Variants in GSE1 observed in about 807,000 individuals in gnomAD.
GSE1 encodes genetic suppressor element 1.
GSE1 carries 32 observed loss-of-function variants against 112.6 expected under a neutral mutation model. That is an observed-to-expected ratio of 0.28 (90% confidence interval 0.21 to 0.38). The LOEUF (loss-of-function observed/expected upper bound fraction) is 0.38, where lower values mean the gene tolerates loss of function less well. Ranked by LOEUF, GSE1 falls within the 10% of genes least tolerant of loss-of-function variation. The probability of loss-of-function intolerance (pLI) is 1.00; values close to 1 mark genes in which losing one functional copy is unlikely to be tolerated. For missense variants in GSE1, 2,348 were observed against 1,699.2 expected (o/e 1.38, Z -6.71); for synonymous variants, 1,115 against 735.6 (o/e 1.52, Z -8.35).
chr16:85,419,031 G>A lies in GSE1; in HGVS notation c.2464+61388G>A, dbSNP rs929878262. ...TGAGAGCTGCCGTGAGACACTGTGCGGAGATCCAACTGGCAGTTGGATATT... is the reference window on the plus strand; with the variant it reads ...TGAGAGCTGCCGTGAGACACTGTGCAGAGATCCAACTGGCAGTTGGATATT... On this transcript the variant is annotated intron_variant, in intron 2 of 2. Transcript: ENST00000637419. This position sits in a 1 kb window ranked among gnomAD's most constrained non-coding sequence, Gnocchi z 6.5. Among the ~76,000 whole-genome samples the A allele has an allele frequency of 2.6e-5, 4 of 152,168 alleles. No individual in the cohort carries two copies. The highest frequency in any genetic ancestry group is 2.1e-4 in the South Asian group (1 of 4,824).
At chr16:85,347,918 C>CTG in intron 1 of GSE1, among the ~76,000 whole-genome samples, 1 of 152,340 alleles carries the variant, frequency 6.6e-6, no homozygotes, top group South Asian at 2.1e-4. Context: ...GCCCTCGAGG[C>CTG]CTTGAACCAG....
intron 1 of GSE1, among the ~76,000 whole-genome samples, chr16:85,220,438 A>T (rs1281336780): frequency 6.6e-6 from 1 of 152,176 alleles, no homozygotes; most frequent in Non-Finnish European, 1.5e-5. Context: ...TGTTTGATTT[A>T]TTTTAAAATC....
intron 1 of GSE1, among the ~76,000 whole-genome samples, chr16:85,586,341 C>A (rs1017441444): frequency 6.6e-6 from 1 of 152,230 alleles, no homozygotes; most frequent in Non-Finnish European, 1.5e-5. Context: ...CCTCGGACGG[C>A]GGAGCCCTGG....
At chr16:85,302,785 T>C (rs1555556856) in intron 1 of GSE1, among the ~76,000 whole-genome samples, 1 of 152,206 alleles carries the variant, frequency 6.6e-6, no homozygotes, top group Non-Finnish European at 1.5e-5. Context: ...TTCTTGGCCT[T>C]GGCCTTGTCG....
At position 85,457,076 on chromosome 16, in the gene GSE1, C is replaced by T. The variant is rs563190015; in HGVS notation, c.2464+99433C>T. Among the ~76,000 whole-genome samples the T allele has an allele frequency of 1.1e-3, 162 of 152,298 alleles. 1 individual carries two copies. The highest frequency in any genetic ancestry group is 3.5e-3 in the African/African-American group (146 of 41,552). ...AGGCATCCTGAGATCACTGCCTGCT[C>T]GGGGTGGCTGTGGGGGTAAGCCAGG... On this transcript the variant is annotated intron_variant, in intron 2 of 2. Coordinates refer to the GSE1 transcript ENST00000637419.
At chr16:85,573,909 G>A (rs1457000952) in intron 1 of GSE1, among the ~76,000 whole-genome samples, 1 of 152,218 alleles carries the variant, frequency 6.6e-6, no homozygotes, top group African/African-American at 2.4e-5. Flanking sequence ...GCTGGGAAGG[G>A]CAGGTGACAG....
intron 1 of GSE1, among the ~76,000 whole-genome samples, chr16:85,567,522 C>T (rs543635313): frequency 1.3e-5 from 2 of 152,300 alleles, no homozygotes; most frequent in South Asian, 2.1e-4. Flanking sequence ...GACGCCTCCT[C>T]GTGGCCCCTC....
intron 2 of GSE1, among the ~76,000 whole-genome samples, chr16:85,390,363 A>G (rs921776568): frequency 5.9e-5 from 9 of 151,936 alleles, no homozygotes; most frequent in Admixed American, 2.0e-4. Context: ...TGGCAACAAG[A>G]TCAGGGTCAG....
chr16:85,183,109 A>T (rs2074627035), intron 1 of GSE1, among the ~76,000 whole-genome samples: 2 of 152,156 alleles, frequency 1.3e-5, no homozygotes, highest in South Asian at 4.1e-4. Context: ...TTCCATGCAC[A>T]CCTGTACCCT....
chr16:85,667,064 G>A (rs1435556276), intron 13 of GSE1, among the ~76,000 whole-genome samples: 1 of 152,226 alleles, frequency 6.6e-6, no homozygotes, highest in Non-Finnish European at 1.5e-5. Context: ...GAACATCCCT[G>A]GCTTTTGGTA....
intron 1 of GSE1, among the ~76,000 whole-genome samples, chr16:85,279,805 G>A (rs898001079): frequency 5.9e-5 from 9 of 152,098 alleles, no homozygotes; most frequent in Non-Finnish European, 1.0e-4. Context: ...TCTCAGGACT[G>A]TCTGTCCCTC....
intron 1 of GSE1, among the ~76,000 whole-genome samples, chr16:85,238,632 T>C (rs1260793128): frequency 3.3e-5 from 5 of 152,160 alleles, no homozygotes; most frequent in Non-Finnish European, 5.9e-5. Flanking sequence ...AGGCAGGGTT[T>C]GGGTCGGAGC....
chr16:85,564,363 C>T (rs2045649233), intron 1 of GSE1, among the ~76,000 whole-genome samples: 1 of 152,202 alleles, frequency 6.6e-6, no homozygotes, highest in Admixed American at 6.5e-5. Flanking sequence ...GGCATGGGGC[C>T]ATCCCTGCCC....
At chr16:85,547,753 T>C (rs899359198) in intron 2 of GSE1, among the ~76,000 whole-genome samples, 3 of 151,768 alleles carry the variant, frequency 2.0e-5, no homozygotes, top group Admixed American at 1.3e-4. Context: ...TGGTGGCATG[T>C]GCCTGTAATC....
At chr16:85,177,154 ACT>A (rs1353765532) in intron 1 of GSE1, among the ~76,000 whole-genome samples, 1 of 152,160 alleles carries the variant, frequency 6.6e-6, no homozygotes, top group Non-Finnish European at 1.5e-5. Context: ...GGTCTTCAAA[ACT>A]CGGCCTCCCC....
intron 1 of GSE1, among the ~76,000 whole-genome samples, chr16:85,238,487 T>A (rs929963085): frequency 6.6e-6 from 1 of 152,156 alleles, no homozygotes; most frequent in African/African-American, 2.4e-5. Context: ...CGAGCCTGCG[T>A]GAGGGCCGCC....
chr16:85,382,995 A>T (rs1040942814), intron 2 of GSE1, among the ~76,000 whole-genome samples: 2 of 150,896 alleles, frequency 1.3e-5, no homozygotes, highest in Non-Finnish European at 3.0e-5. Flanking sequence ...ACATGTGCAC[A>T]TACAACACAT....
intron 1 of GSE1, chr16:85,306,471 C>G (rs541922220): frequency 6.6e-6 from 1 of 152,474 alleles, no homozygotes; most frequent in African/African-American, 2.4e-5. Flanking sequence ...CGGTCAGAGC[C>G]AAGGGCTCCC....
At chr16:85,393,940 G>A (rs1229696503) in intron 2 of GSE1, among the ~76,000 whole-genome samples, 4 of 152,136 alleles carry the variant, frequency 2.6e-5, no homozygotes, top group African/African-American at 9.7e-5. Flanking sequence ...CTGGGGCGGG[G>A]CTGGGCTGGG....
Sources: gnomAD v4.1 joint callset for allele counts (sites outside exome capture counted in the v4.1 genomes callset) on GRCh38, gnomAD v4.1.1 for gene constraint, Gnocchi (gnomAD v3.1) non-coding constraint, MANE v1.5 for transcripts, NCBI Gene and HGNC (gene_info 2026-07-23, HGNC 2026-07-21) for gene names.